CNTN5: variants seen among roughly 807,000 people sequenced by gnomAD.
CNTN5 encodes the protein contactin-5.
A neutral mutation model predicts 129.1 loss-of-function variants in CNTN5; 77 were observed. The ratio of observed to expected loss-of-function variants is 0.60; its 90% confidence interval spans 0.50 to 0.72. The LOEUF is 0.72. CNTN5 is among the 30% of genes least tolerant of loss of function. CNTN5 has a pLI of 0.00. For synonymous variants in CNTN5, 509 were observed against 465.6 expected, an observed-to-expected ratio of 1.09 and a Z score of -1.20; for missense variants, 1,478 against 1,328.8, an observed-to-expected ratio of 1.11 and a Z score of -1.75.
intron 17 of CNTN5, among the ~76,000 whole-genome samples, chr11:100,257,701 A>T (rs1251404581): frequency 1.3e-5 from 2 of 152,172 alleles, no homozygotes; most frequent in African/African-American, 2.4e-5. Context: ...GAGGGACCTG[A>T]CTATTAGAAG....
intron 3 of CNTN5, among the ~76,000 whole-genome samples, chr11:99,799,455 G>A (rs573980502): frequency 1.3e-5 from 2 of 151,974 alleles, no homozygotes; most frequent in Admixed American, 6.6e-5. Context: ...TTTTTATCAT[G>A]AAGCAAGGCC....
intron 3 of CNTN5, among the ~76,000 whole-genome samples, chr11:99,764,133 T>G (rs182164975): frequency 9.9e-5 from 15 of 152,226 alleles, no homozygotes; most frequent in African/African-American, 3.1e-4. Context: ...TTTTAAAAAT[T>G]ATAGACTATA....
intron 7 of CNTN5, among the ~76,000 whole-genome samples, chr11:99,936,018 G>A (rs149430174): frequency 4.6e-5 from 7 of 152,102 alleles, no homozygotes; most frequent in South Asian, 4.2e-4. Context: ...CTACTTTTAC[G>A]TTGTATTTCC....
Position 99,249,133 on chromosome 11 carries a change from T to C in CNTN5, c.-209-76213T>C, listed in dbSNP as rs908119379. 2.0e-5 allele frequency among the ~76,000 whole-genome samples: 3 copies of C among 152,180 alleles called. No individual in the cohort carries two copies. In the East Asian group the frequency reaches 5.8e-4, roughly 29 times the overall value. ...TTCTTCCATTTGTTCGCATCCTCTT[T>C]TATTTCGTTGAGCAGTGGTTTGTAG... On this transcript the variant is annotated intron_variant, in intron 1 of 24. Coordinates refer to ENST00000524871, the MANE Select transcript of CNTN5 (RefSeq NM_014361.4).
intron 1 of CNTN5, among the ~76,000 whole-genome samples, chr11:99,312,242 A>G (rs1367460721): frequency 6.6e-6 from 1 of 152,190 alleles, no homozygotes. Flanking sequence ...ATTGCAGTGG[A>G]GTGGCAGTGT....
intron 1 of CNTN5, among the ~76,000 whole-genome samples, chr11:99,031,089 G>A (rs950608268): frequency 2.6e-5 from 4 of 151,668 alleles, no homozygotes; most frequent in Non-Finnish European, 5.9e-5. Context: ...GAGCCACCAC[G>A]CCTGGCCTAA....
chr11:99,968,869 A>G (rs1167175557), intron 8 of CNTN5, among the ~76,000 whole-genome samples: 1 of 151,826 alleles, frequency 6.6e-6, no homozygotes, highest in Non-Finnish European at 1.5e-5. Context: ...AAGCTGAATA[A>G]TATAAAAAGT....
At chr11:99,439,537 G>A (rs1943735083) in intron 2 of CNTN5, among the ~76,000 whole-genome samples, 1 of 151,520 alleles carries the variant, frequency 6.6e-6, no homozygotes, top group Admixed American at 6.6e-5. Flanking sequence ...GTGAAACCCC[G>A]TCTCTACTGA....
At chr11:99,785,662 C>T (rs191686978) in intron 3 of CNTN5, among the ~76,000 whole-genome samples, 18 of 152,032 alleles carry the variant, frequency 1.2e-4, no homozygotes, top group African/African-American at 3.6e-4. Context: ...CTTATCAAGT[C>T]GACTTCACCC....
At chr11:99,640,019 A>G (rs2135837858) in intron 3 of CNTN5, among the ~76,000 whole-genome samples, 2 of 152,170 alleles carry the variant, frequency 1.3e-5, no homozygotes, top group Middle Eastern at 6.8e-3. Flanking sequence ...CCTCTGCTTC[A>G]GCTCCCAGGA....
intron 1 of CNTN5, among the ~76,000 whole-genome samples, chr11:99,183,483 A>G (rs980899708): frequency 6.6e-6 from 1 of 152,108 alleles, no homozygotes; most frequent in Admixed American, 6.6e-5. Flanking sequence ...TACATTGGTC[A>G]CCATTAATCA....
chr11:100,002,106 C>T lies in CNTN5; in HGVS notation c.950C>T (p.Thr317Ile), dbSNP rs201581347. ...PFTVTAAKGTTVKMECFALGN... is the reference protein window; with the variant it reads ...PFTVTAAKGTIVKMECFALGN... ...ACGGTTACAGCTGCTAAAGGAACAA[C>T]TGTTAAGATGGAATGCTTTGCACTT... The change falls in exon 9 of 25, where the codon ACT becomes ATT. Residue 317 changes from threonine to isoleucine, a missense_variant. Thr to Ile is a moderately conservative substitution (Grantham distance 89, BLOSUM62 -1). Transcript: ENST00000524871. The T allele has an allele frequency of 4.4e-6, 7 of 1,593,442 alleles. No individual in the cohort carries two copies. Among genetic ancestry groups the T allele is most frequent in the Non-Finnish European group, 5.1e-6 (6 of 1,173,422 alleles).
chr11:99,877,453 A>T (rs187235913), intron 6 of CNTN5, among the ~76,000 whole-genome samples: 16 of 152,286 alleles, frequency 1.1e-4, no homozygotes, highest in Admixed American at 1.0e-3. Context: ...AAATTTACCA[A>T]AACCACATTC....
rs1328676419 is a variant in CNTN5, at chr11:99,483,659, C to A, written c.-70-72486C>A. ...TGACCATCACCTGATGGTCTCCTGACACTTCTGGTTGGCCAGGGTTGTGGG... is the reference window on the plus strand; with the variant it reads ...TGACCATCACCTGATGGTCTCCTGAAACTTCTGGTTGGCCAGGGTTGTGGG... On this transcript the variant is annotated intron_variant, in intron 2 of 24. Transcript: ENST00000524871. Among the ~76,000 whole-genome samples the A allele has an allele frequency of 2.6e-5, 4 of 152,018 alleles. No homozygotes were observed. The East Asian group carries it at 7.7e-4, about 29-fold the overall frequency.
intron 16 of CNTN5, among the ~76,000 whole-genome samples, chr11:100,244,271 A>G (rs1949799074): frequency 6.6e-6 from 1 of 152,060 alleles, no homozygotes; most frequent in South Asian, 2.1e-4. Flanking sequence ...CCCTTTTTCT[A>G]CCAACAAAAT....
At chr11:99,793,797 A>G (rs932055336) in intron 3 of CNTN5, among the ~76,000 whole-genome samples, 1 of 152,094 alleles carries the variant, frequency 6.6e-6, no homozygotes, top group African/African-American at 2.4e-5. Flanking sequence ...GTTGATTTCA[A>G]TTTATAAAAA....
chr11:99,101,725 T>A (rs1284485576), intron 1 of CNTN5, among the ~76,000 whole-genome samples: 1 of 152,182 alleles, frequency 6.6e-6, no homozygotes, highest in Non-Finnish European at 1.5e-5. Context: ...CTTCTGTGGC[T>A]TTGCAGGATA....
intron 2 of CNTN5, among the ~76,000 whole-genome samples, chr11:99,363,083 T>C (rs1939223713): frequency 6.6e-6 from 1 of 152,150 alleles, no homozygotes; most frequent in African/African-American, 2.4e-5. Flanking sequence ...ATAAGGATTG[T>C]ACTCAATCTA....
intron 6 of CNTN5, among the ~76,000 whole-genome samples, chr11:99,890,441 T>C (rs535883866): frequency 2.0e-5 from 3 of 152,164 alleles, no homozygotes; most frequent in African/African-American, 4.8e-5. Context: ...TTGTGTAATA[T>C]TGGATTATAT....
Sources: gnomAD v4.1 joint callset for allele counts (sites outside exome capture counted in the v4.1 genomes callset) on GRCh38, gnomAD v4.1.1 for gene constraint, MANE v1.5 for transcripts, NCBI Gene and HGNC (gene_info 2026-07-23, HGNC 2026-07-21) for gene names.